RNF14: variants seen among roughly 807,000 people sequenced by gnomAD.
The protein encoded by RNF14 is E3 ubiquitin-protein ligase RNF14.
Under a neutral mutation model 52.6 loss-of-function variants are expected in RNF14, and 26 were observed. The ratio of observed to expected loss-of-function variants is 0.49; its 90% confidence interval spans 0.36 to 0.69. The LOEUF (loss-of-function observed/expected upper bound fraction) is 0.69, where lower values mean the gene tolerates loss of function less well. Ranked by LOEUF, RNF14 falls within the 30% of genes least tolerant of loss-of-function variation. The probability of loss-of-function intolerance (pLI) is 0.00; values close to 1 mark genes in which losing one functional copy is unlikely to be tolerated. For synonymous variants in RNF14, 194 were observed against 202.0 expected, an observed-to-expected ratio of 0.96 and a Z score of 0.34; for missense variants, 404 against 560.4, an observed-to-expected ratio of 0.72 and a Z score of 2.82.
chr5:141,955,574 G>T (rs1019202281), upstream of RNF14: 1 of 1,614,126 alleles, frequency 6.2e-7, no homozygotes, highest in South Asian at 1.1e-5. The surrounding 1 kb of genome is among the most constrained non-coding windows in gnomAD (Gnocchi z 5.5). Flanking sequence ...GGCTGCTGGC[G>T]GTAGGTGGAC....
At position 141,970,850 on chromosome 5, in the gene RNF14, A is replaced by G. The variant is rs1439417496; in HGVS notation, c.-34A>G. The G allele has an allele frequency of 1.3e-5, 2 of 152,332 alleles. No individual in the cohort carries two copies. Among genetic ancestry groups the G allele is most frequent in the African/African-American group, 2.4e-5 (1 of 41,448 alleles). The allele number at this position is 152,332 out of a possible 1,614,324, so 9.4% of individuals were successfully genotyped here. A position where few individuals can be genotyped will look rare whatever the true frequency, so the allele number is the denominator to read the frequency against. The stretch of plus-strand genomic sequence containing the variant: ...CTGAAATACAGACTGCGGTGTTAAT[A>G]TCCTTTTCTTCTGATTGTTATTAAC... On this transcript the variant is annotated 5_prime_UTR_variant, in exon 2 of 9. In the 5' UTR this introduces an upstream ATG that the reference lacks. Transcript: ENST00000394520.
At chr5:141,974,765 T>G (rs755593160) in intron 3 of RNF14, 39 bp from the exon 4 acceptor site, 5 of 1,608,524 alleles carry the variant, frequency 3.1e-6, no homozygotes, top group Non-Finnish European at 4.3e-6. Flanking sequence ...ACTCAAGTGT[T>G]GACCAACTGA....
chr5:141,985,959 A>G (rs1336410462), intron 8 of RNF14, among the ~76,000 whole-genome samples: 5 of 152,312 alleles, frequency 3.3e-5, no homozygotes, highest in East Asian at 1.9e-4. Context: ...CTTATTTGCT[A>G]TAAACTGGAA....
At chr5:141,951,717 A>T in the RNF14 span, 1 of 728,692 alleles carries the variant, frequency 1.4e-6, no homozygotes, top group Non-Finnish European at 2.4e-6. Flanking sequence ...TGTTTGTGTG[A>T]TCAGATGGGG....
chr5:141,956,213 A>T (rs767758208), upstream of RNF14: 1 of 1,614,174 alleles, frequency 6.2e-7, no homozygotes, highest in South Asian at 1.1e-5. Context: ...GAGACACTGG[A>T]TGCAAGCATG....
At chr5:141,974,773 T>C (rs1754097864) in intron 3 of RNF14, 31 bp from the exon 4 acceptor site, 1 of 1,611,858 alleles carries the variant, frequency 6.2e-7, no homozygotes. Flanking sequence ...GTTGACCAAC[T>C]GATCCTTTCT....
chr5:141,985,112 T>C (rs564990419), intron 8 of RNF14, among the ~76,000 whole-genome samples, 179 bp downstream of exon 8: 2 of 147,440 alleles, frequency 1.4e-5, no homozygotes, highest in Admixed American at 1.4e-4. Flanking sequence ...ATGAGACTTA[T>C]ACACCATCTG....
chr5:141,952,471 AG>A, the RNF14 span: 1 of 152,250 alleles, frequency 6.6e-6, no homozygotes, highest in Non-Finnish European at 1.5e-5. Context: ...GGTCTGGGCA[AG>A]GGGTGGGGAG....
At chr5:141,956,545 C>T (rs774340238), upstream of RNF14, 8 of 1,614,166 alleles carry the variant, frequency 5.0e-6, no homozygotes, top group Middle Eastern at 4.9e-4. Context: ...GGGCTGGAGT[C>T]CTTGGTCTTG....
chr5:141,959,335 C>T (rs564777618), intron 1 of RNF14, among the ~76,000 whole-genome samples: 7 of 152,072 alleles, frequency 4.6e-5, no homozygotes, highest in African/African-American at 1.7e-4. Context: ...TTCCACTCAC[C>T]TCCTCATAAG....
At chr5:141,976,007 C>A (rs1479715556) in intron 4 of RNF14, among the ~76,000 whole-genome samples, 4 of 151,952 alleles carry the variant, frequency 2.6e-5, no homozygotes, top group Non-Finnish European at 5.9e-5. Flanking sequence ...CTCTTTGGAT[C>A]ATACAGTTTT....
chr5:141,970,462 C>T (rs1753648684), intron 1 of RNF14, among the ~76,000 whole-genome samples: 1 of 152,092 alleles, frequency 6.6e-6, no homozygotes, highest in South Asian at 2.1e-4. Context: ...CCTTGGTGTT[C>T]CTCCTTAGCT....
chr5:141,985,467 G>T (rs569779026), intron 8 of RNF14, among the ~76,000 whole-genome samples: 15 of 152,222 alleles, frequency 9.9e-5, no homozygotes, highest in African/African-American at 3.6e-4. Flanking sequence ...ATCTGAACAA[G>T]TTCAGTCATT....
At chr5:141,983,844 C>G (rs2127047073) in intron 7 of RNF14, among the ~76,000 whole-genome samples, 1 of 152,068 alleles carries the variant, frequency 6.6e-6, no homozygotes, top group East Asian at 1.9e-4. Context: ...CAACTCTTAC[C>G]TCATCTATGT....
At chr5:141,983,961 A>G (rs1315622582) in intron 7 of RNF14, among the ~76,000 whole-genome samples, 1 of 152,230 alleles carries the variant, frequency 6.6e-6, no homozygotes, top group Non-Finnish European at 1.5e-5. Context: ...AATTAGACAG[A>G]TATATTGCTT....
Position 141,990,094 on chromosome 5 carries a change from G to T in RNF14, c.*2304G>T, listed in dbSNP as rs1416283906. 1 of 152,150 alleles carries T rather than the reference G, an allele frequency of 6.6e-6. No homozygotes were observed. Among genetic ancestry groups the T allele is most frequent in the Non-Finnish European group, 1.5e-5 (1 of 68,026 alleles). 9.4% of individuals were successfully genotyped at this position (152,150 alleles called of 1,614,324 possible). On this transcript the variant is annotated 3_prime_UTR_variant, in exon 9 of 9. Coordinates refer to ENST00000394520, the MANE Select transcript of RNF14 (RefSeq NM_004290.5). ...GTCTTCATCACTCAATTTTAACAAAGAAAATAGGGCTTATAAAGTTATACT... is the reference window on the plus strand; with the variant it reads ...GTCTTCATCACTCAATTTTAACAAATAAAATAGGGCTTATAAAGTTATACT...
At chr5:141,952,887 A>G in the RNF14 span, 1 of 152,204 alleles carries the variant, frequency 6.6e-6, no homozygotes, top group Non-Finnish European at 1.5e-5. Context: ...TAGGAGGTCC[A>G]CCATGCCCCT....
chr5:141,955,403 G>A (rs1486411999), upstream of RNF14: 1 of 1,614,028 alleles, frequency 6.2e-7, no homozygotes, highest in Non-Finnish European at 8.5e-7. This position sits in a 1 kb window ranked among gnomAD's most constrained non-coding sequence, Gnocchi z 5.5. Flanking sequence ...GGGGTGAGGT[G>A]GAAGGGGGCC....
At chr5:141,951,596 A>C in the RNF14 span, 1 of 1,611,118 alleles carries the variant, frequency 6.2e-7, no homozygotes, top group Non-Finnish European at 8.5e-7. Context: ...ATTTGCTACA[A>C]GACAGGAAAA....
Sources: gnomAD v4.1 joint callset for allele counts (sites outside exome capture counted in the v4.1 genomes callset) on GRCh38, gnomAD v4.1.1 for gene constraint, Gnocchi (gnomAD v3.1) non-coding constraint, MANE v1.5 for transcripts, NCBI Gene and HGNC (gene_info 2026-07-23, HGNC 2026-07-21) for gene names.